DPP10: variants seen among roughly 807,000 people sequenced by gnomAD.
DPP10 encodes the protein inactive dipeptidyl peptidase 10.
Under a neutral mutation model 120.9 loss-of-function variants are expected in DPP10, and 33 were observed. The observed-to-expected ratio is 0.27, with a 90% CI of 0.21 to 0.37. DPP10 has a LOEUF of 0.37. DPP10 is among the 10% of genes least tolerant of loss of function. DPP10 has a pLI of 1.00. For synonymous variants in DPP10, 337 were observed against 326.1 expected (o/e 1.03, Z -0.36); for missense variants, 816 against 942.8 (o/e 0.87, Z 1.76).
chr2:115,502,409 A>G (rs1274862077), intron 4 of DPP10, among the ~76,000 whole-genome samples: 1 of 152,162 alleles, frequency 6.6e-6, no homozygotes, highest in African/African-American at 2.4e-5. Context: ...GTTTAGCCTC[A>G]AAAATGCTCT....
At chr2:115,229,748 T>C (rs1198196249) in intron 1 of DPP10, among the ~76,000 whole-genome samples, 1 of 147,308 alleles carries the variant, frequency 6.8e-6, no homozygotes, top group African/African-American at 2.5e-5. Context: ...TTCTATTCTA[T>C]TCTATTGGTC....
At chr2:115,562,219 T>G (rs947504759) in intron 5 of DPP10, among the ~76,000 whole-genome samples, 1 of 152,196 alleles carries the variant, frequency 6.6e-6, no homozygotes, top group Admixed American at 6.5e-5. Flanking sequence ...CACTGACATT[T>G]GTCATTCTCT....
chr2:115,802,101 C>T (rs1367003770), intron 19 of DPP10, among the ~76,000 whole-genome samples: 2 of 152,130 alleles, frequency 1.3e-5, no homozygotes, highest in South Asian at 2.1e-4. Flanking sequence ...ATTATTGCTC[C>T]AATTTCGGAG....
chr2:115,753,269 G>A lies in DPP10; in HGVS notation c.1046G>A (p.Cys349Tyr). The change falls in exon 11 of 26, where the codon TGT becomes TAT. Residue 349 changes from cysteine (C) to tyrosine (Y), a missense_variant. Physicochemically the swap from Cys to Tyr is radical, Grantham distance 194. Around this residue, in one of 3 missense-constraint regions of DPP10, gnomAD observed 592 missense variants for 649.0 expected, o/e 0.91. Transcript: ENST00000410059. Reference protein sequence around the residue: ...RAQNISILTVCETTTGACSKK... With the variant: ...RAQNISILTVYETTTGACSKK... ...CAGAACATCTCCATCCTCACAGTCT[G>A]TGAGACCACTACAGGTGCTTGTAGT... is the stretch of plus-strand genomic sequence containing the variant. 6.2e-7 allele frequency: 1 copy of A among 1,610,268 alleles called. No individual in the cohort carries two copies. The highest frequency in any genetic ancestry group is 8.5e-7 in the Non-Finnish European group (1 of 1,177,580).
At chr2:114,715,327 C>A (rs1701280451) in intron 1 of DPP10, among the ~76,000 whole-genome samples, 1 of 151,888 alleles carries the variant, frequency 6.6e-6, no homozygotes, top group African/African-American at 2.4e-5. Flanking sequence ...CTTTTAATGG[C>A]CAGGTTGTCA....
At chr2:114,616,838 C>T (rs1693712300) in intron 1 of DPP10, among the ~76,000 whole-genome samples, 1 of 152,078 alleles carries the variant, frequency 6.6e-6, no homozygotes, top group East Asian at 1.9e-4. Context: ...CAAGCTTTCA[C>T]TACCTTAGTA....
Position 114,630,082 on chromosome 2 carries a change from G to A in DPP10, c.60+187244G>A, listed in dbSNP as rs181886551. Among the ~76,000 whole-genome samples the A allele has an allele frequency of 5.3e-5, 8 of 152,126 alleles. No homozygotes were observed. In the East Asian group the frequency reaches 7.7e-4, roughly 15 times the overall value. On this transcript the variant is annotated intron_variant, in intron 1 of 25. Coordinates refer to ENST00000410059, the MANE Select transcript of DPP10 (RefSeq NM_020868.6). ...CTATGTAACTTGATAAAATTTGGACGATTATAAATGAACATATTAGCAATA... is the reference window on the plus strand; with the variant it reads ...CTATGTAACTTGATAAAATTTGGACAATTATAAATGAACATATTAGCAATA...
intron 1 of DPP10, among the ~76,000 whole-genome samples, chr2:115,276,089 C>T (rs896548400): frequency 1.3e-5 from 2 of 152,078 alleles, no homozygotes; most frequent in Admixed American, 6.6e-5. Context: ...TTTCTTTTTC[C>T]GGATGGATAT....
At chr2:115,429,356 A>G (rs990397701) in intron 3 of DPP10, among the ~76,000 whole-genome samples, 4 of 152,208 alleles carry the variant, frequency 2.6e-5, no homozygotes, top group African/African-American at 9.6e-5. Context: ...AAGGCTATGT[A>G]AAATTCAACA....
intron 5 of DPP10, among the ~76,000 whole-genome samples, chr2:115,666,209 C>T (rs2089442362): frequency 6.6e-6 from 1 of 152,062 alleles, no homozygotes; most frequent in South Asian, 2.1e-4. Flanking sequence ...TGCTATGAAG[C>T]ATATCTGAGA....
chr2:114,852,151 C>CTTTTTTTTTTTT lies in DPP10; in HGVS notation c.60+409327_60+409338dup, dbSNP rs34580352. ...GGGAAATTTTTATAGCGATTGCATC[C>CTTTTTTTTTTTT]TTTTTTTTTTTTTTTTTTTTTTTTT... On this transcript the variant is annotated intron_variant, in intron 1 of 25. Coordinates refer to ENST00000410059, the MANE Select transcript of DPP10 (RefSeq NM_020868.6). 2.0e-4 allele frequency among the ~76,000 whole-genome samples: 11 copies of CTTTTTTTTTTTT among 53,726 alleles called. 3 individuals are homozygous for CTTTTTTTTTTTT. Among genetic ancestry groups the CTTTTTTTTTTTT allele is most frequent in the African/African-American group, 6.8e-4 (8 of 11,776 alleles). 35.2% of individuals were successfully genotyped at this position (53,726 alleles called of 152,430 possible).
chr2:114,559,486 T>C (rs901631180), intron 1 of DPP10, among the ~76,000 whole-genome samples: 1 of 152,218 alleles, frequency 6.6e-6, no homozygotes, highest in Non-Finnish European at 1.5e-5. Context: ...ACTTCTGACC[T>C]TCAGAGCTGT....
chr2:115,812,741 G>A (rs919358298), intron 19 of DPP10, among the ~76,000 whole-genome samples: 6 of 152,014 alleles, frequency 3.9e-5, no homozygotes, highest in African/African-American at 1.4e-4. Context: ...GAATGGAGGA[G>A]AGTTGTGATT....
Position 114,744,905 on chromosome 2 carries a change from G to C in DPP10, c.60+302067G>C, listed in dbSNP as rs1293603460. 2.0e-5 allele frequency among the ~76,000 whole-genome samples: 3 copies of C among 152,242 alleles called. No homozygotes were observed. In the East Asian group the frequency reaches 5.8e-4, roughly 29 times the overall value. ...GCCTCCTGAGTAACTGGGACTACAGGTGCCCATTACCACGTCTGGCCAATT... is the reference window on the plus strand; with the variant it reads ...GCCTCCTGAGTAACTGGGACTACAGCTGCCCATTACCACGTCTGGCCAATT... On this transcript the variant is annotated intron_variant, in intron 1 of 25. Transcript: ENST00000410059.
chr2:115,236,176 C>T (rs540229165), intron 1 of DPP10, among the ~76,000 whole-genome samples: 1 of 152,154 alleles, frequency 6.6e-6, no homozygotes, highest in Non-Finnish European at 1.5e-5. Context: ...TACATTGTCA[C>T]TAAACCCCCA....
intron 1 of DPP10, among the ~76,000 whole-genome samples, chr2:114,737,348 A>T (rs1205531624): frequency 6.6e-6 from 1 of 152,194 alleles, no homozygotes; most frequent in African/African-American, 2.4e-5. Flanking sequence ...CTCCTCCATC[A>T]GTCTGGTCCC....
At chr2:114,766,646 A>G (rs1299018893) in intron 1 of DPP10, among the ~76,000 whole-genome samples, 1 of 152,220 alleles carries the variant, frequency 6.6e-6, no homozygotes, top group African/African-American at 2.4e-5. Context: ...GGATTGTAAG[A>G]GCTTTACACT....
chr2:115,290,074 A>G (rs1280726084), intron 1 of DPP10, among the ~76,000 whole-genome samples: 1 of 152,224 alleles, frequency 6.6e-6, no homozygotes, highest in African/African-American at 2.4e-5. Flanking sequence ...ACAGAATGGG[A>G]GAAAACGTTT....
At chr2:114,481,653 A>T (rs745502914) in intron 1 of DPP10, among the ~76,000 whole-genome samples, 1 of 152,156 alleles carries the variant, frequency 6.6e-6, no homozygotes, top group South Asian at 2.1e-4. Flanking sequence ...AACAACTTAG[A>T]TGAGTCTTCA....
Sources: allele counts gnomAD v4.1 joint callset (sites outside exome capture counted in the v4.1 genomes callset), GRCh38; gene constraint gnomAD v4.1.1; regional missense constraint gnomAD v4.1.1; transcripts MANE v1.5; gene names NCBI Gene and HGNC (gene_info 2026-07-23, HGNC 2026-07-21).